CDK5RAP3: variants seen among roughly 807,000 people sequenced by gnomAD.
The protein encoded by CDK5RAP3 is CDK5 regulatory subunit associated protein 3.
In CDK5RAP3, 58 loss-of-function variants were observed where a neutral mutation model predicts 73.3. That is an observed-to-expected ratio of 0.79 (90% confidence interval 0.64 to 0.98). CDK5RAP3 has a LOEUF of 0.98. CDK5RAP3 is among the 50% of genes least tolerant of loss of function. CDK5RAP3 has a pLI of 0.00. For missense variants in CDK5RAP3, 525 were observed against 615.8 expected, an observed-to-expected ratio of 0.85 and a Z score of 1.56; for synonymous variants, 224 against 247.5, an observed-to-expected ratio of 0.91 and a Z score of 0.89.
In CDK5RAP3 at chr17:47,981,431, T is replaced by C; in HGVS notation, c.1456-6T>C. 2 of 1,614,230 alleles carry C rather than the reference T, an allele frequency of 1.2e-6. No homozygotes were observed. The highest frequency in any genetic ancestry group is 2.2e-5 in the East Asian group (1 of 44,886). ...TGCTTCTGCCCACTTGGTATCACTC[T>C]TTCAGATTGAAGCTGACATCTCCAA... On this transcript the variant is annotated splice_region_variant and splice_polypyrimidine_tract_variant and intron_variant, in intron 13 of 13. Coordinates refer to ENST00000338399, the MANE Select transcript of CDK5RAP3 (RefSeq NM_176096.3).
Position 47,981,779 on chromosome 17 carries a change from G to C in CDK5RAP3, c.*277G>C. On this transcript the variant is annotated 3_prime_UTR_variant, in exon 14 of 14. Coordinates refer to ENST00000338399, the MANE Select transcript of CDK5RAP3 (RefSeq NM_176096.3). The stretch of plus-strand genomic sequence containing the variant: ...AAAAGAGGAAAAAACTCTTGCTTCA[G>C]TACTGACAGTTCCTTATGCTGCTTC... 7.1e-7 allele frequency: 1 copy of C among 1,399,086 alleles called. No homozygotes were observed. Among genetic ancestry groups the C allele is most frequent in the Middle Eastern group, 1.8e-4 (1 of 5,432 alleles). The allele number at this position is 1,399,086 out of a possible 1,614,324, so 86.7% of individuals were successfully genotyped here. A position where few individuals can be genotyped will look rare whatever the true frequency, so the allele number is the denominator to read the frequency against.
chr17:47,975,147 G>A lies in CDK5RAP3; in HGVS notation c.335-12G>A. 11 of 1,614,008 alleles carry A rather than the reference G, an allele frequency of 6.8e-6. No homozygotes were observed. The highest frequency in any genetic ancestry group is 9.3e-6 in the Non-Finnish European group (11 of 1,179,994). ...GGGGTGTCCTGGGCTGAATTTCCTG[G>A]GCACTTCTCAGTGGAACTCTCTAGC... On this transcript the variant is annotated splice_polypyrimidine_tract_variant and intron_variant, in intron 5 of 13. Coordinates refer to ENST00000338399, the MANE Select transcript of CDK5RAP3 (RefSeq NM_176096.3).
upstream of CDK5RAP3, chr17:47,970,533 C>G: frequency 1.3e-6 from 1 of 786,058 alleles, no homozygotes; most frequent in Non-Finnish European, 2.1e-6. Context: ...CGTTTAGACT[C>G]AATGTAGGTG....
upstream of CDK5RAP3, among the ~76,000 whole-genome samples, chr17:47,968,506 T>C (rs1175118354): frequency 6.7e-6 from 1 of 149,426 alleles, no homozygotes; most frequent in Non-Finnish European, 1.5e-5. Flanking sequence ...TTTTTGTTTG[T>C]TTGTTTGTTT....
At chr17:47,973,737 A>G in intron 3 of CDK5RAP3, 87 bp downstream of exon 3, 2 of 1,547,396 alleles carry the variant, frequency 1.3e-6, no homozygotes, top group Non-Finnish European at 8.8e-7. Flanking sequence ...TTTAGCCACC[A>G]GGGCTGGCCT....
In CDK5RAP3 at chr17:47,974,399, G is replaced by C. The variant is rs764764899; in HGVS notation, c.286-1G>C. The C allele has an allele frequency of 6.2e-7, 1 of 1,613,540 alleles. No homozygotes were observed. Among genetic ancestry groups the C allele is most frequent in the South Asian group, 1.1e-5 (1 of 91,056 alleles). On this transcript the variant is annotated splice_acceptor_variant, in intron 4 of 13. Coordinates refer to ENST00000338399, the MANE Select transcript of CDK5RAP3 (RefSeq NM_176096.3). LOFTEE classifies it high-confidence loss of function. ...AACATTGTTTTTCTGTTCTTACTCA[G>C]GATTGGCAGGAGATTATAGCTCTGT...
chr17:47,970,815 C>G, upstream of CDK5RAP3: 1 of 1,424,126 alleles, frequency 7.0e-7, no homozygotes, highest in East Asian at 2.5e-5. Flanking sequence ...CCAGGGGAAG[C>G]GGCTGCCAGG....
intron 9 of CDK5RAP3, among the ~76,000 whole-genome samples, chr17:47,977,305 C>T (rs926490484): frequency 2.0e-5 from 3 of 152,170 alleles, no homozygotes; most frequent in East Asian, 1.9e-4. Context: ...CCCGCCACCA[C>T]GCCCGGCTAA....
chr17:47,980,640 A>G lies in CDK5RAP3; in HGVS notation c.1125A>G (p.Ala375=), dbSNP rs1436086685. ...GAGCAGTGGAGTTGAGTGAGGAGGC[A>G]GATGTCCTGTCTGTGAGCCAGTTCC... The part of the protein sequence containing the change: ...AQRAVELSEE[A]DVLSVSQFQL... The change falls in exon 12 of 14, where the codon GCA becomes GCG. Residue 375 remains alanine, a synonymous_variant. Coordinates refer to ENST00000338399, the MANE Select transcript of CDK5RAP3 (RefSeq NM_176096.3). The G allele has an allele frequency of 6.2e-7, 1 of 1,613,886 alleles. No homozygotes were observed. Among genetic ancestry groups the G allele is most frequent in the Admixed American group, 1.7e-5 (1 of 60,014 alleles).
rs369855838 is a variant in CDK5RAP3, at chr17:47,975,555, C to T, written c.555C>T (p.Asp185=). Reference sequence around the variant, plus strand: ...GAGAACTGCTGGCCCTGGTGAAGGACCTGCCGAGTCAGCTGGCTGAGATTG... The same window carrying T: ...GAGAACTGCTGGCCCTGGTGAAGGATCTGCCGAGTCAGCTGGCTGAGATTG... ...VRGELLALVK[D]LPSQLAEIGA... is the part of the protein sequence containing the mutation. The change falls in exon 7 of 14, where the codon GAC becomes GAT. Residue 185 remains aspartate, a synonymous_variant. Coordinates refer to ENST00000338399, the MANE Select transcript of CDK5RAP3 (RefSeq NM_176096.3). 35 of 1,611,160 alleles carry T rather than the reference C, an allele frequency of 2.2e-5. No individual in the cohort carries two copies. The African/African-American group carries it at 4.1e-4, about 19-fold the overall frequency.
At chr17:47,977,016 C>T (rs1465060474) in intron 9 of CDK5RAP3, among the ~76,000 whole-genome samples, 194 bp downstream of exon 9, 1 of 152,208 alleles carries the variant, frequency 6.6e-6, no homozygotes, top group Non-Finnish European at 1.5e-5. Flanking sequence ...TTCTGTCGCC[C>T]AGGCTGGAGT....
chr17:47,977,750 C>A, intron 9 of CDK5RAP3, 82 bp from the exon 10 acceptor site: 1 of 1,161,270 alleles, frequency 8.6e-7, no homozygotes, highest in Non-Finnish European at 1.3e-6. Context: ...CCATTGACCT[C>A]ATCAAGGGCT....
In CDK5RAP3 at chr17:47,980,923, A is replaced by T. The variant is rs1461047261; in HGVS notation, c.1283+125A>T. ...TCCTGGCCATTGCCATCCACTGGGG[A>T]TAGGGGTTCTCTTTGGGACAAGAGG... On this transcript the variant is annotated intron_variant, in intron 12 of 13. Coordinates refer to ENST00000338399, the MANE Select transcript of CDK5RAP3 (RefSeq NM_176096.3). 2.9e-6 allele frequency: 3 copies of T among 1,043,860 alleles called. No homozygotes were observed. In the East Asian group the frequency reaches 7.4e-5, roughly 26 times the overall value. The allele number at this position is 1,043,860 out of a possible 1,614,324, so 64.7% of individuals were successfully genotyped here.
Position 47,975,206 on chromosome 17 carries a change from T to A in CDK5RAP3, c.382T>A (p.Ser128Thr). The A allele has an allele frequency of 6.2e-7, 1 of 1,614,146 alleles. No homozygotes were observed. Among genetic ancestry groups the A allele is most frequent in the Non-Finnish European group, 8.5e-7 (1 of 1,180,028 alleles). The change falls in exon 6 of 14, where the codon TCA becomes ACA. Residue 128 changes from serine (S) to threonine (T), a missense_variant. Coordinates refer to ENST00000338399, the MANE Select transcript of CDK5RAP3 (RefSeq NM_176096.3). ...LVRNVNYEIP[S>T]LKKQIAKCQQ... The stretch of plus-strand genomic sequence containing the variant: ...TCGGAATGTCAACTATGAGATCCCC[T>A]CACTGAAGAAGCAGATTGCCAAGTG...
In CDK5RAP3 at chr17:47,975,338, G is replaced by A. The variant is rs1013969439; in HGVS notation, c.513+1G>A. 3 of 1,613,184 alleles carry A rather than the reference G, an allele frequency of 1.9e-6. No individual in the cohort carries two copies. The highest frequency in any genetic ancestry group is 3.3e-5 in the Admixed American group (2 of 60,004). Reference sequence around the variant, plus strand: ...CTCCTGCAAGCAGTATGGCATCACGGTGAGCGGCGGCAGCCTCTTCGCAGC... The same window carrying A: ...CTCCTGCAAGCAGTATGGCATCACGATGAGCGGCGGCAGCCTCTTCGCAGC... On this transcript the variant is annotated splice_donor_variant, in intron 6 of 13. Transcript: ENST00000338399. LOFTEE classifies it high-confidence loss of function.
In CDK5RAP3 at chr17:47,977,841, G is replaced by A. The variant is rs1206610687; in HGVS notation, c.919G>A (p.Gly307Ser). 1.2e-6 allele frequency: 2 copies of A among 1,613,860 alleles called. No homozygotes were observed. Among genetic ancestry groups the A allele is most frequent in the East Asian group, 4.5e-5 (2 of 44,872 alleles). ...FPESDSKDPG[G>S]DGIDWGDDAV... ...TTTGCTCTCCTTCCAGGATCCTGGA[G>A]GTGATGGGATAGACTGGGGAGACGA... The change falls in exon 10 of 14, where the codon GGT becomes AGT. Residue 307 changes from glycine (G) to serine (S), a missense_variant. Around this residue, in one of 2 missense-constraint regions of CDK5RAP3, gnomAD observed 409 missense variants for 429.8 expected, o/e 0.95. Coordinates refer to ENST00000338399, the MANE Select transcript of CDK5RAP3 (RefSeq NM_176096.3).
Position 47,974,245 on chromosome 17 carries a change from G to GT in CDK5RAP3, c.286-154dup. On this transcript the variant is annotated intron_variant, in intron 4 of 13. Coordinates refer to ENST00000338399, the MANE Select transcript of CDK5RAP3 (RefSeq NM_176096.3). ...TTTAGGGATTGCCTGCACTCTTAAA[G>GT]TGGGTGGTCCAGCCAGCAGAGTTGA... 4 of 785,514 alleles carry GT rather than the reference G, an allele frequency of 5.1e-6. No homozygotes were observed. The South Asian group carries it at 6.3e-5, about 12-fold the overall frequency. The allele number at this position is 785,514 out of a possible 1,614,324, so 48.7% of individuals were successfully genotyped here.
At position 47,978,811 on chromosome 17, in the gene CDK5RAP3, T is replaced by C; in HGVS notation, c.989-18T>C. On this transcript the variant is annotated intron_variant, in intron 10 of 13. Transcript: ENST00000338399. ...CAGTCCTCTGATCCTTTATCACTTC[T>C]CTGTCTCTTCCTGGCAGCTCCAGAA... 6.2e-7 allele frequency: 1 copy of C among 1,602,614 alleles called. No individual in the cohort carries two copies. The highest frequency in any genetic ancestry group is 8.5e-7 in the Non-Finnish European group (1 of 1,169,686).
intron 8 of CDK5RAP3, 46 bp from the exon 9 acceptor site, chr17:47,976,666 T>TGGGATGGCA: frequency 1.4e-6 from 2 of 1,390,036 alleles, no homozygotes; most frequent in Non-Finnish European, 2.0e-6. Context: ...GCCCGGCCCT[T>TGGGATGGCA]TTTAAATCCA....
Sources: allele counts gnomAD v4.1 joint callset (sites outside exome capture counted in the v4.1 genomes callset), GRCh38; gene constraint gnomAD v4.1.1; regional missense constraint gnomAD v4.1.1; transcripts MANE v1.5; gene names NCBI Gene and HGNC (gene_info 2026-07-23, HGNC 2026-07-21).